The following ANKS1B variants were observed in gnomAD, a reference collection of about 807,000 sequenced individuals.
ANKS1B encodes the protein ankyrin repeat and sterile alpha motif domain containing 1B.
A neutral mutation model predicts 148.3 loss-of-function variants in ANKS1B; 36 were observed. That is an observed-to-expected ratio of 0.24 (90% CI 0.19 to 0.32). The LOEUF (loss-of-function observed/expected upper bound fraction) is 0.32, where lower values mean the gene tolerates loss of function less well. ANKS1B is among the 10% of genes least tolerant of loss of function. The probability of loss-of-function intolerance (pLI) is 1.00; values close to 1 mark genes in which losing one functional copy is unlikely to be tolerated. For missense variants in ANKS1B, 1,157 were observed against 1,542.6 expected (o/e 0.75, Z 4.19); for synonymous variants, 542 against 560.8 (o/e 0.97, Z 0.47).
intron 17 of ANKS1B, among the ~76,000 whole-genome samples, chr12:99,008,415 T>A (rs751030561): frequency 2.0e-4 from 30 of 152,132 alleles, no homozygotes; most frequent in Non-Finnish European, 4.3e-4. Flanking sequence ...ATGAGAGAAC[T>A]TAGAGCAAAG....
At position 98,745,392 on chromosome 12, in the gene ANKS1B, T is replaced by TC; in HGVS notation, c.*346_*347insG. 1 of 987,362 alleles carries TC rather than the reference T, an allele frequency of 1.0e-6. No homozygotes were observed. The highest frequency in any genetic ancestry group is 1.2e-6 in the Non-Finnish European group (1 of 831,286). The allele number at this position is 987,362 out of a possible 1,614,324, so 61.2% of individuals were successfully genotyped here. The stretch of plus-strand genomic sequence containing the variant: ...CCCCTTTACTTTTTTTTTTTTTTTT[T>TC]TTTTTTTAAAGAAAAGGTATTATTT... On this transcript the variant is annotated 3_prime_UTR_variant, in exon 27 of 27. Transcript: ENST00000683438.
At chr12:99,422,125 G>A (rs1423118416) in intron 11 of ANKS1B, among the ~76,000 whole-genome samples, 3 of 152,120 alleles carry the variant, frequency 2.0e-5, no homozygotes, top group Non-Finnish European at 2.9e-5. Flanking sequence ...CATTTCTTTA[G>A]AGCAATGCAA....
chr12:99,852,594 G>A (rs1351016816), intron 1 of ANKS1B, among the ~76,000 whole-genome samples: 1 of 152,202 alleles, frequency 6.6e-6, no homozygotes, highest in Non-Finnish European at 1.5e-5. Context: ...ATGGCGGATA[G>A]GAGGTAGGAC....
At chr12:99,936,423 G>A (rs1209892163) in intron 1 of ANKS1B, among the ~76,000 whole-genome samples, 2 of 152,176 alleles carry the variant, frequency 1.3e-5, no homozygotes, top group Admixed American at 6.5e-5. Context: ...AAGATGGGAG[G>A]ATCACTTGAG....
chr12:99,681,826 C>G (rs1206283737), intron 8 of ANKS1B, among the ~76,000 whole-genome samples: 1 of 152,142 alleles, frequency 6.6e-6, no homozygotes, highest in Admixed American at 6.5e-5. Flanking sequence ...GCAATGGATC[C>G]AAATCAAGAA....
At chr12:99,244,240 T>C (rs1465103203) in intron 14 of ANKS1B, 102 bp downstream of exon 14, 1 of 740,722 alleles carries the variant, frequency 1.4e-6, no homozygotes, top group African/African-American at 1.8e-5. Context: ...TTTGTAGTTA[T>C]TGTTATAATG....
chr12:98,915,021 G>A (rs898689384), intron 17 of ANKS1B, among the ~76,000 whole-genome samples: 5 of 152,166 alleles, frequency 3.3e-5, no homozygotes, highest in Non-Finnish European at 7.4e-5. Flanking sequence ...TACATCCTCA[G>A]CATCAGAATA....
chr12:99,550,239 A>G (rs1043823577), intron 9 of ANKS1B, among the ~76,000 whole-genome samples: 19 of 152,328 alleles, frequency 1.2e-4, no homozygotes, highest in African/African-American at 4.6e-4. Context: ...TTGTTTACAT[A>G]AAGCATAGAA....
chr12:99,982,325 C>G (rs1362609678), intron 1 of ANKS1B, among the ~76,000 whole-genome samples: 1 of 108,224 alleles, frequency 9.2e-6, no homozygotes, highest in Non-Finnish European at 1.8e-5. Flanking sequence ...AACTTGACAT[C>G]TATTCTTTAA....
At chr12:99,371,621 T>C (rs1032752285) in intron 12 of ANKS1B, among the ~76,000 whole-genome samples, 9 of 152,052 alleles carry the variant, frequency 5.9e-5, no homozygotes, top group Non-Finnish European at 1.3e-4. Flanking sequence ...ACTGGTTTTG[T>C]ATCTCTGAAA....
chr12:99,262,125 C>A (rs1261337925), intron 12 of ANKS1B, among the ~76,000 whole-genome samples: 11 of 152,196 alleles, frequency 7.2e-5, no homozygotes, highest in African/African-American at 2.6e-4. Context: ...CCTAACGAAA[C>A]CTTACTTCAT....
intron 8 of ANKS1B, among the ~76,000 whole-genome samples, chr12:99,695,401 A>G (rs2053734336): frequency 6.6e-6 from 1 of 152,196 alleles, no homozygotes; most frequent in African/African-American, 2.4e-5. Flanking sequence ...ACTCCCACTG[A>G]ACGTAGTGGT....
At chr12:99,621,230 C>A (rs914204166) in intron 9 of ANKS1B, among the ~76,000 whole-genome samples, 13 of 152,146 alleles carry the variant, frequency 8.5e-5, no homozygotes, top group Admixed American at 8.5e-4. Flanking sequence ...ACCAACCTTA[C>A]AAGACATCCT....
chr12:99,517,830 G>T (rs1380149114), intron 9 of ANKS1B, among the ~76,000 whole-genome samples: 1 of 152,048 alleles, frequency 6.6e-6, no homozygotes, highest in East Asian at 1.9e-4. Context: ...TTTTTCCCCA[G>T]TCAGTATGAT....
chr12:98,775,689 C>A (rs1296450042), intron 24 of ANKS1B, among the ~76,000 whole-genome samples: 1 of 151,860 alleles, frequency 6.6e-6, no homozygotes, highest in African/African-American at 2.4e-5. Context: ...TGGGCTCAAG[C>A]AATCCACTTG....
At chr12:99,159,230 C>T (rs1601251025) in intron 14 of ANKS1B, among the ~76,000 whole-genome samples, 1 of 152,052 alleles carries the variant, frequency 6.6e-6, no homozygotes, top group East Asian at 1.9e-4. Flanking sequence ...TGTTTGTTTT[C>T]AATTTTTGTT....
chr12:99,514,552 C>T (rs139095097), intron 9 of ANKS1B, among the ~76,000 whole-genome samples: 34 of 152,172 alleles, frequency 2.2e-4, no homozygotes, highest in African/African-American at 4.8e-4. Context: ...CTACTATCAC[C>T]GCCATCCAGA....
chr12:99,343,438 C>A (rs1428121618), intron 12 of ANKS1B, among the ~76,000 whole-genome samples: 4 of 152,012 alleles, frequency 2.6e-5, no homozygotes, highest in Non-Finnish European at 2.9e-5. Context: ...TCATTGCCTT[C>A]TCTCCCAGGT....
chr12:99,176,792 C>A (rs1452050274), intron 14 of ANKS1B, among the ~76,000 whole-genome samples: 1 of 152,128 alleles, frequency 6.6e-6, no homozygotes, highest in South Asian at 2.1e-4. Flanking sequence ...GAGATGCCTG[C>A]TCCCCCTTTG....
Sources: allele counts gnomAD v4.1 joint callset (sites outside exome capture counted in the v4.1 genomes callset), GRCh38; gene constraint gnomAD v4.1.1; transcripts MANE v1.5; gene names NCBI Gene and HGNC (gene_info 2026-07-23, HGNC 2026-07-21).